The following PSG7 variants were observed in gnomAD, a reference collection of about 807,000 sequenced individuals.
The protein encoded by PSG7 is pregnancy-specific beta-1-glycoprotein 7.
Under a neutral mutation model 45.6 loss-of-function variants are expected in PSG7, and 57 were observed. That is an observed-to-expected ratio of 1.25 (90% CI 1.01 to 1.56). The LOEUF is 1.56. Among genes scored for constraint, PSG7 ranks in the 40% most tolerant of loss-of-function variants. The pLI, the probability that PSG7 is intolerant of heterozygous loss-of-function variation, is 0.00. For missense variants in PSG7, 796 were observed against 508.4 expected, an observed-to-expected ratio of 1.57 and a Z score of -5.44; for synonymous variants, 298 against 194.4, an observed-to-expected ratio of 1.53 and a Z score of -4.43.
Position 42,935,523 on chromosome 19 carries a change from T to A in PSG7, c.311A>T (p.Asn104Ile). The change falls in exon 2 of 6, where the codon AAT (asparagine) becomes ATT (isoleucine). Residue 104 changes from asparagine to isoleucine, a missense_variant. Transcript: ENST00000406070. ...AYSGRETVYS[N>I]ASLLIQNVTQ... ...GACATTCTGGATCAGCAGGGATGCA[T>A]TGGAATATACTGTTTCTCGTCCACT... The A allele has an allele frequency of 6.2e-7, 1 of 1,612,218 alleles. No homozygotes were observed. Among genetic ancestry groups the A allele is most frequent in the African/African-American group, 1.3e-5 (1 of 74,752 alleles).
intron 2 of PSG7, among the ~76,000 whole-genome samples, chr19:42,933,010 A>C (rs1973052885): frequency 6.7e-6 from 1 of 150,122 alleles, no homozygotes; most frequent in Non-Finnish European, 1.5e-5. Context: ...CCTATGACTA[A>C]TGGCTCAGCC....
In PSG7 at chr19:42,924,731, T is replaced by C. The variant is rs1210665690; in HGVS notation, c.*77A>G. ...CATTGAGTTGTCCAACTCTGACTTA[T>C]AGGGCTTCTGGAACAGAGTGGGTCT... is the stretch of plus-strand genomic sequence containing the variant. On this transcript the variant is annotated 3_prime_UTR_variant, in exon 6 of 6. Transcript: ENST00000406070. 18 of 767,360 alleles carry C rather than the reference T, an allele frequency of 2.3e-5. No homozygotes were observed. Among genetic ancestry groups the C allele is most frequent in the Middle Eastern group, 2.2e-4 (1 of 4,452 alleles). 47.5% of individuals were successfully genotyped at this position (767,360 alleles called of 1,614,324 possible). A position where few individuals can be genotyped will look rare whatever the true frequency, so the allele number is the denominator to read the frequency against.
intron 3 of PSG7, among the ~76,000 whole-genome samples, chr19:42,927,833 T>A (rs546122562): frequency 2.0e-5 from 3 of 151,678 alleles, no homozygotes; most frequent in African/African-American, 7.3e-5. Flanking sequence ...TTTCTAGAGA[T>A]CTGCTGTAGA....
intron 2 of PSG7, among the ~76,000 whole-genome samples, chr19:42,931,509 T>G (rs1318353023): frequency 6.6e-6 from 1 of 151,526 alleles, no homozygotes; most frequent in Non-Finnish European, 1.5e-5. Context: ...CTGGGCAGAG[T>G]TAGGAAAAAT....
intron 3 of PSG7, among the ~76,000 whole-genome samples, chr19:42,928,182 G>T (rs902634939): frequency 1.3e-5 from 2 of 151,572 alleles, no homozygotes; most frequent in East Asian, 1.9e-4. Flanking sequence ...TGTGAGAAAG[G>T]CTGATTGCTA....
At chr19:42,931,663 C>T (rs1289734022) in intron 2 of PSG7, among the ~76,000 whole-genome samples, 1 of 151,332 alleles carries the variant, frequency 6.6e-6, no homozygotes, top group Non-Finnish European at 1.5e-5. Context: ...ACACGAAGAA[C>T]TCCAACTTAT....
At chr19:42,925,553 T>C (rs1242904847) in intron 5 of PSG7, 22 of 1,195,142 alleles carry the variant, frequency 1.8e-5, no homozygotes, top group Non-Finnish European at 2.4e-5. Flanking sequence ...TCAATGTTTT[T>C]CCTGCTTGGT....
At chr19:42,935,309 G>C in intron 2 of PSG7, 95 bp downstream of exon 2, 1 of 1,511,398 alleles carries the variant, frequency 6.6e-7, no homozygotes, top group Non-Finnish European at 9.0e-7. Flanking sequence ...ATGCAGAGAG[G>C]GACACAGGCA....
At position 42,925,915 on chromosome 19, in the gene PSG7, T is replaced by G. The variant is rs1972874240; in HGVS notation, c.1101A>C (p.Thr367=). 2.5e-6 allele frequency: 4 copies of G among 1,612,152 alleles called. 1 individual carries two copies. Among genetic ancestry groups the G allele is most frequent in the Non-Finnish European group, 8.5e-7 (1 of 1,179,162 alleles). The change falls in exon 5 of 6, where the codon ACA becomes ACC. Residue 367 remains threonine (T), a synonymous_variant. Coordinates refer to ENST00000406070, the MANE Select transcript of PSG7 (RefSeq NM_002783.3). ...CTGATAGCTGAAACTTCCCATTAATTGTCCAAGAATACTGTGCCGGTGGGT... is the reference window on the plus strand; with the variant it reads ...CTGATAGCTGAAACTTCCCATTAATGGTCCAAGAATACTGTGCCGGTGGGT... The part of the protein sequence containing the change: ...DSNPPAQYSW[T]INGKFQLSGQ...
At chr19:42,932,015 A>C (rs542308832) in intron 2 of PSG7, among the ~76,000 whole-genome samples, 43 of 150,958 alleles carry the variant, frequency 2.8e-4, no homozygotes, top group Admixed American at 4.0e-4. Context: ...AGCATTCTTC[A>C]TTTCTCAAAC....
chr19:42,935,690 C>T lies in PSG7; in HGVS notation c.144G>A (p.Gly48=), dbSNP rs375667503. Residue 48 remains glycine, a synonymous_variant, in exon 2 of 6, where the codon GGG becomes GGA. Coordinates refer to ENST00000406070, the MANE Select transcript of PSG7 (RefSeq NM_002783.3). ...IEAQPPKVSE[G]KDVLLLVHNL... Reference sequence around the variant, plus strand: ...TGTGGACAAGTAGAAGAACATCCTTCCCCTCGGAAACTTTTGGTGGCTGGG... The same window carrying T: ...TGTGGACAAGTAGAAGAACATCCTTTCCCTCGGAAACTTTTGGTGGCTGGG... The T allele has an allele frequency of 5.6e-6, 9 of 1,611,956 alleles. No individual in the cohort carries two copies. The South Asian group carries it at 6.6e-5, about 12-fold the overall frequency.
Position 42,925,960 on chromosome 19 carries a change from C to T in PSG7, c.1056G>A (p.Leu352=), listed in dbSNP as rs1972875734. The T allele has an allele frequency of 6.2e-7, 1 of 1,612,086 alleles. No homozygotes were observed. The highest frequency in any genetic ancestry group is 8.5e-7 in the Non-Finnish European group (1 of 1,179,140). The change falls in exon 5 of 6, where the codon TTG becomes TTA. Residue 352 remains leucine (L), a synonymous_variant. Coordinates refer to ENST00000406070, the MANE Select transcript of PSG7 (RefSeq NM_002783.3). Reference sequence around the variant, plus strand: ...GTGGGTTAGAGTCCGCAAAGCAGGACAAGTAGAGGTTTTGTCCTGAATGGT... The same window carrying T: ...GTGGGTTAGAGTCCGCAAAGCAGGATAAGTAGAGGTTTTGTCCTGAATGGT... The part of the protein sequence containing the change: ...TYYHSGQNLY[L]SCFADSNPPA...
chr19:42,926,058 T>A (rs1305806375), intron 4 of PSG7, 31 bp from the exon 5 acceptor site: 1 of 1,605,908 alleles, frequency 6.2e-7, no homozygotes, highest in African/African-American at 1.3e-5. Context: ...CCACAGGTGA[T>A]GTTATCCGAG....
intron 3 of PSG7, 135 bp from the exon 4 acceptor site, chr19:42,926,851 C>G: frequency 6.9e-7 from 1 of 1,453,172 alleles, no homozygotes; most frequent in Admixed American, 1.9e-5. Context: ...GTGTGTGTGT[C>G]ACAAGGTAGA....
At position 42,937,028 on chromosome 19, in the gene PSG7, C is replaced by G. The variant is rs747689295; in HGVS notation, c.49G>C (p.Gly17Arg). Residue 17 changes from glycine to arginine, a missense_variant, in exon 1 of 6, where the codon GGG (glycine) becomes CGG (arginine). Coordinates refer to ENST00000406070, the MANE Select transcript of PSG7 (RefSeq NM_002783.3). ...CTCTCCTCACCTGTGAGCAGGAGCCCTTTCCAGGTTATATGCTGTGTGCAG... is the reference window on the plus strand; with the variant it reads ...CTCTCCTCACCTGTGAGCAGGAGCCGTTTCCAGGTTATATGCTGTGTGCAG... ...PPCTQHITWK[G>R]LLLTASLLNF... 16 of 1,611,446 alleles carry G rather than the reference C, an allele frequency of 9.9e-6. 1 individual carries two copies. Among genetic ancestry groups the G allele is most frequent in the Non-Finnish European group, 1.2e-5 (14 of 1,178,566 alleles).
intron 3 of PSG7, chr19:42,927,467 C>T (rs1972921261): frequency 6.6e-6 from 1 of 151,990 alleles, no homozygotes; most frequent in African/African-American, 2.4e-5. Flanking sequence ...TTTAAGTTTC[C>T]TCTCCTTCTG....
In PSG7 at chr19:42,924,715, G is replaced by A. The variant is rs1199300283; in HGVS notation, c.*93C>T. The A allele has an allele frequency of 6.5e-6, 5 of 766,386 alleles. No individual in the cohort carries two copies. The African/African-American group carries it at 6.8e-5, about 10-fold the overall frequency. The allele number at this position is 766,386 out of a possible 1,614,324, so 47.5% of individuals were successfully genotyped here. On this transcript the variant is annotated 3_prime_UTR_variant, in exon 6 of 6. Transcript: ENST00000406070. ...TTTCCCATGAAATTTACATTGAGTT[G>A]TCCAACTCTGACTTATAGGGCTTCT... is the stretch of plus-strand genomic sequence containing the variant.
chr19:42,932,296 G>T (rs1600569754), intron 2 of PSG7, among the ~76,000 whole-genome samples: 1 of 151,500 alleles, frequency 6.6e-6, no homozygotes, highest in African/African-American at 2.4e-5. Flanking sequence ...GGGAGTATAG[G>T]TGTGAGCCAC....
intron 1 of PSG7, 104 bp from the exon 2 acceptor site, chr19:42,935,873 G>GACACACACACACACACACACACACACAC (rs60833164): frequency 1.5e-6 from 1 of 677,336 alleles, no homozygotes; most frequent in Non-Finnish European, 2.3e-6. Flanking sequence ...CAGCCTTGAA[G>GACACACACACACACACACACACACACAC]ACACACACAC....
Sources: allele counts gnomAD v4.1 joint callset (sites outside exome capture counted in the v4.1 genomes callset), GRCh38; gene constraint gnomAD v4.1.1; transcripts MANE v1.5; gene names NCBI Gene and HGNC (gene_info 2026-07-23, HGNC 2026-07-21).